The following OSGIN1 variants were observed in gnomAD, a reference collection of about 807,000 sequenced individuals.
The protein encoded by OSGIN1 is oxidative stress induced growth inhibitor 1.
Under a neutral mutation model 20.1 loss-of-function variants are expected in OSGIN1, and 19 were observed. The observed-to-expected ratio is 0.95, with a 90% CI of 0.66 to 1.39. The LOEUF (loss-of-function observed/expected upper bound fraction) is 1.39, where lower values mean the gene tolerates loss of function less well. Ranked by LOEUF, OSGIN1 falls within the 40% of genes most tolerant of loss-of-function variation. The pLI is 0.00. For missense variants in OSGIN1, 820 were observed against 653.0 expected, an observed-to-expected ratio of 1.26 and a Z score of -2.79; for synonymous variants, 368 against 297.8, an observed-to-expected ratio of 1.24 and a Z score of -2.43.
At position 83,965,482 on chromosome 16, in the gene OSGIN1, C is replaced by G. The variant is rs141076493; in HGVS notation, c.909C>G (p.Tyr303Ter). The G allele has an allele frequency of 6.2e-7, 1 of 1,608,126 alleles. No individual in the cohort carries two copies. Among genetic ancestry groups the G allele is most frequent in the Non-Finnish European group, 8.5e-7 (1 of 1,179,712 alleles). Residue 303 changes from tyrosine to a stop codon, truncating the protein, a stop_gained, in exon 6 of 6, where the codon TAC becomes TAG. Coordinates refer to ENST00000393306, the MANE Select transcript of OSGIN1 (RefSeq NM_182981.3). LOFTEE classifies it low-confidence loss of function (END_TRUNC). Reference sequence around the variant, plus strand: ...TGTCAGCGGCCGACGCGGTCCTCTACGCCCGCCACTACAACATCCCGGTGA... The same window carrying G: ...TGTCAGCGGCCGACGCGGTCCTCTAGGCCCGCCACTACAACATCCCGGTGA... ...AGLSAADAVLYARHYNIPVIH... is the reference protein window; with the variant it reads ...AGLSAADAVL
chr16:83,960,047 T>C (rs1422581552), intron 3 of OSGIN1, among the ~76,000 whole-genome samples: 2 of 152,136 alleles, frequency 1.3e-5, no homozygotes, highest in Non-Finnish European at 2.9e-5. Context: ...TTCCCGCCCC[T>C]GAGTTGGAGA....
chr16:83,965,736 G>C lies in OSGIN1; in HGVS notation c.1163G>C (p.Gly388Ala). 1 of 1,613,614 alleles carries C rather than the reference G, an allele frequency of 6.2e-7. No homozygotes were observed. Among genetic ancestry groups the C allele is most frequent in the Non-Finnish European group, 8.5e-7 (1 of 1,180,008 alleles). Residue 388 changes from glycine to alanine, a missense_variant, in exon 6 of 6, where the codon GGG becomes GCG. Coordinates refer to ENST00000393306, the MANE Select transcript of OSGIN1 (RefSeq NM_182981.3). ...CTCGAGGGTGTCGAGAAGGTGTTTG[G>C]GGTCTCCCTGGTGCTGGTCCTCATC... ...QDLEGVEKVF[G>A]VSLVLVLIGS...
intron 2 of OSGIN1, among the ~76,000 whole-genome samples, 154 bp downstream of exon 2, chr16:83,957,892 T>C (rs1158327520): frequency 6.7e-6 from 1 of 149,826 alleles, no homozygotes; most frequent in Non-Finnish European, 1.5e-5. Context: ...TATTTATTTA[T>C]TTGAGACAAA....
intron 2 of OSGIN1, 24 bp downstream of exon 2, chr16:83,957,762 G>T (rs202068014): frequency 1.4e-6 from 2 of 1,431,974 alleles, no homozygotes; most frequent in South Asian, 1.2e-5. Context: ...CCCAGCCAGG[G>T]AGGGGCTCCG....
At chr16:83,959,751 T>G (rs891487069) in intron 3 of OSGIN1, among the ~76,000 whole-genome samples, 1 of 152,190 alleles carries the variant, frequency 6.6e-6, no homozygotes, top group African/African-American at 2.4e-5. Context: ...CATCCAGCAC[T>G]GCACAGGACA....
chr16:83,960,522 G>A lies in OSGIN1; in HGVS notation c.205-47G>A, dbSNP rs368262887. The A allele has an allele frequency of 8.9e-5, 135 of 1,514,558 alleles. No homozygotes were observed. In the Middle Eastern group the frequency reaches 1.2e-3, roughly 14 times the overall value. The allele number at this position is 1,514,558 out of a possible 1,614,324, so 93.8% of individuals were successfully genotyped here. ...GCCCAGCCTCAGGCTCTGGGAAGAC[G>A]ACCCCGCCCTCCTCCAGCAGCCCCT... On this transcript the variant is annotated intron_variant, in intron 3 of 5. Coordinates refer to ENST00000393306, the MANE Select transcript of OSGIN1 (RefSeq NM_182981.3).
chr16:83,964,169 C>T (rs1183574004), intron 5 of OSGIN1, among the ~76,000 whole-genome samples: 1 of 152,044 alleles, frequency 6.6e-6, no homozygotes, highest in Non-Finnish European at 1.5e-5. Flanking sequence ...CCAGGTATGG[C>T]GCTGCATGCC....
chr16:83,957,800 T>C, intron 2 of OSGIN1, 62 bp downstream of exon 2: 1 of 896,626 alleles, frequency 1.1e-6, no homozygotes, highest in Non-Finnish European at 1.7e-6. Flanking sequence ...CCCCCAGGTC[T>C]GAGGGCAGGA....
chr16:83,956,684 G>C (rs545429154), intron 1 of OSGIN1, among the ~76,000 whole-genome samples: 1 of 152,204 alleles, frequency 6.6e-6, no homozygotes, highest in African/African-American at 2.4e-5. Flanking sequence ...CAGGGTCAGC[G>C]TGAGGCGGAT....
At chr16:83,957,915 C>T (rs1012892384) in intron 2 of OSGIN1, among the ~76,000 whole-genome samples, 177 bp downstream of exon 2, 8 of 151,862 alleles carry the variant, frequency 5.3e-5, no homozygotes, top group East Asian at 1.9e-4. Flanking sequence ...CTCACTCTGT[C>T]GCCCAGGCTG....
Position 83,960,769 on chromosome 16 carries a change from G to C in OSGIN1, c.396+9G>C. 6.2e-7 allele frequency: 1 copy of C among 1,611,976 alleles called. No individual in the cohort carries two copies. Among genetic ancestry groups the C allele is most frequent in the Non-Finnish European group, 8.5e-7 (1 of 1,179,414 alleles). ...CCGGGGGAGCCTGGCACGTGAGTGG[G>C]GCAGCGAGGGCATGGCTTGTGGGGG... On this transcript the variant is annotated intron_variant, in intron 4 of 5. Coordinates refer to ENST00000393306, the MANE Select transcript of OSGIN1 (RefSeq NM_182981.3).
intron 2 of OSGIN1, 57 bp from the exon 3 acceptor site, chr16:83,959,203 A>C: frequency 7.8e-7 from 1 of 1,279,740 alleles, no homozygotes; most frequent in East Asian, 2.3e-5. Flanking sequence ...AGCCCTCCAC[A>C]GTAGTGTCCC....
rs201525312 is a variant in OSGIN1 at position 83,957,771 on chromosome 16, C to T, written c.67+33C>T. ...TCAGGCCCCAGCCAGGGAGGGGCTC[C>T]GCTGAGCCTTCCGGGTACCCCCCAG... On this transcript the variant is annotated intron_variant, in intron 2 of 5. Coordinates refer to ENST00000393306, the MANE Select transcript of OSGIN1 (RefSeq NM_182981.3). The T allele has an allele frequency of 3.3e-4, 426 of 1,310,360 alleles. 2 individuals carry two copies. In the African/African-American group the frequency reaches 5.6e-3, roughly 17 times the overall value. The allele number at this position is 1,310,360 out of a possible 1,614,324, so 81.2% of individuals were successfully genotyped here. A position where few individuals can be genotyped will look rare whatever the true frequency, so the allele number is the denominator to read the frequency against.
Position 83,966,036 on chromosome 16 carries a change from C to G in OSGIN1, c.*29C>G. 4 of 1,466,566 alleles carry G rather than the reference C, an allele frequency of 2.7e-6. No individual in the cohort carries two copies. Among genetic ancestry groups the G allele is most frequent in the Non-Finnish European group, 3.6e-6 (4 of 1,100,188 alleles). 90.8% of individuals were successfully genotyped at this position (1,466,566 alleles called of 1,614,324 possible). ...TCGGCCAGACCCGCTGGCTCCCAGGCCCTGAGAGGACAGAGATGACCACAT... is the reference window on the plus strand; with the variant it reads ...TCGGCCAGACCCGCTGGCTCCCAGGGCCTGAGAGGACAGAGATGACCACAT... On this transcript the variant is annotated 3_prime_UTR_variant, in exon 6 of 6. Coordinates refer to ENST00000393306, the MANE Select transcript of OSGIN1 (RefSeq NM_182981.3).
chr16:83,966,278 C>T lies in OSGIN1; in HGVS notation c.*271C>T. The T allele has an allele frequency of 2.0e-6, 1 of 505,098 alleles. No homozygotes were observed. Among genetic ancestry groups the T allele is most frequent in the Non-Finnish European group, 3.5e-6 (1 of 288,368 alleles). 31.3% of individuals were successfully genotyped at this position (505,098 alleles called of 1,614,324 possible). A position where few individuals can be genotyped will look rare whatever the true frequency, so the allele number is the denominator to read the frequency against. On this transcript the variant is annotated 3_prime_UTR_variant, in exon 6 of 6. Coordinates refer to ENST00000393306, the MANE Select transcript of OSGIN1 (RefSeq NM_182981.3). Reference sequence around the variant, plus strand: ...CCAGCTGAGCACCCAGCCAGGAGACCTGCAGCCCTGCGCCTTCCAGAAGCA... The same window carrying T: ...CCAGCTGAGCACCCAGCCAGGAGACTTGCAGCCCTGCGCCTTCCAGAAGCA...
intron 5 of OSGIN1, 197 bp downstream of exon 5, chr16:83,961,269 C>A (rs542080079): frequency 1.8e-6 from 1 of 568,342 alleles, no homozygotes; most frequent in South Asian, 2.1e-5. Context: ...TTTAGGGAGA[C>A]ATGAGACATC....
At chr16:83,953,860 C>G (rs1029769826) in intron 1 of OSGIN1, among the ~76,000 whole-genome samples, 12 of 152,200 alleles carry the variant, frequency 7.9e-5, no homozygotes, top group Non-Finnish European at 1.8e-4. Context: ...AAGAGTGCGG[C>G]GGGTTGGGAG....
At chr16:83,961,370 C>A in intron 5 of OSGIN1, 2 of 391,736 alleles carry the variant, frequency 5.1e-6, no homozygotes, top group Non-Finnish European at 4.8e-6. Context: ...GCTTCCAGGT[C>A]GCAGGTAGGT....
chr16:83,965,458 G>C lies in OSGIN1; in HGVS notation c.885G>C (p.Leu295=), dbSNP rs755228806. 4 of 1,601,076 alleles carry C rather than the reference G, an allele frequency of 2.5e-6. No homozygotes were observed. In the Admixed American group the frequency reaches 6.7e-5, roughly 27 times the overall value. ...CTGTCCTCATCATTGGCGCGGGGCT[G>C]TCAGCGGCCGACGCGGTCCTCTACG... ...SDPVLIIGAG[L]SAADAVLYAR... is the part of the protein sequence containing the mutation. The change falls in exon 6 of 6, where the codon CTG becomes CTC. Residue 295 remains leucine, a synonymous_variant. Coordinates refer to ENST00000393306, the MANE Select transcript of OSGIN1 (RefSeq NM_182981.3).
Sources: gnomAD v4.1 joint callset for allele counts (sites outside exome capture counted in the v4.1 genomes callset) on GRCh38, gnomAD v4.1.1 for gene constraint, MANE v1.5 for transcripts, NCBI Gene and HGNC (gene_info 2026-07-23, HGNC 2026-07-21) for gene names.